PXYLP1: variants seen among roughly 807,000 people sequenced by gnomAD.
PXYLP1 encodes the protein 2-phosphoxylose phosphatase 1, also known as acid phosphatase-like 2.
PXYLP1 carries 17 observed loss-of-function variants against 37.9 expected under a neutral mutation model. The observed-to-expected ratio is 0.45, with a 90% CI of 0.31 to 0.67. The LOEUF is 0.67. PXYLP1 is among the 30% of genes least tolerant of loss of function. PXYLP1 has a pLI of 0.07. For missense variants in PXYLP1, 511 were observed against 612.0 expected (o/e 0.84, Z 1.74); for synonymous variants, 221 against 232.2 (o/e 0.95, Z 0.44).
chr3:141,262,570 C>T (rs368629810), intron 2 of PXYLP1: 1 of 1,303,370 alleles, frequency 7.7e-7, no homozygotes, highest in Non-Finnish European at 1.0e-6. Context: ...CTGAAAGTAC[C>T]TTCTGTTTTA....
chr3:141,281,316 C>G (rs1015717778), intron 4 of PXYLP1, among the ~76,000 whole-genome samples: 2 of 152,122 alleles, frequency 1.3e-5, no homozygotes, highest in African/African-American at 2.4e-5. Context: ...GGGCCCGAGG[C>G]TGAAAGAACT....
At chr3:141,255,484 G>A (rs1334260970) in intron 1 of PXYLP1, among the ~76,000 whole-genome samples, 1 of 152,252 alleles carries the variant, frequency 6.6e-6, no homozygotes, top group Non-Finnish European at 1.5e-5. Flanking sequence ...TTGGGGATTA[G>A]AAGATGTGGG....
chr3:141,268,198 AGAGAGAGAGTGTGTGTGT>A lies in PXYLP1; in HGVS notation c.79+7946_79+7963del, dbSNP rs1253197892. ...GAGAGAGAGAGAGAGAGAGAGAGAG[AGAGAGAGAGTGTGTGTGT>A]GTGTGTGTGTGTGTGTGTGTGTGTG... On this transcript the variant is annotated intron_variant, in intron 2 of 5. Coordinates refer to ENST00000286353, the MANE Select transcript of PXYLP1 (RefSeq NM_001037172.3). Among the ~76,000 whole-genome samples the A allele has an allele frequency of 0.021, 945 of 44,296 alleles. 20 individuals are homozygous for A. The East Asian group carries it at 0.27, about 13-fold the overall frequency. The allele number at this position is 44,296 out of a possible 152,430, so 29.1% of individuals were successfully genotyped here. A position where few individuals can be genotyped will look rare whatever the true frequency, so the allele number is the denominator to read the frequency against.
At chr3:141,275,695 G>C (rs1941775276) in intron 2 of PXYLP1, among the ~76,000 whole-genome samples, 1 of 152,102 alleles carries the variant, frequency 6.6e-6, no homozygotes, top group Non-Finnish European at 1.5e-5. Context: ...GTGGCCCTAG[G>C]AGCAACCAAA....
At chr3:141,266,073 A>C (rs928960372) in intron 2 of PXYLP1, among the ~76,000 whole-genome samples, 1 of 152,198 alleles carries the variant, frequency 6.6e-6, no homozygotes, top group Admixed American at 6.5e-5. Flanking sequence ...AGAAGCCACC[A>C]TCTGGGGACT....
At chr3:141,289,276 C>CAAA (rs112480371) in intron 5 of PXYLP1, among the ~76,000 whole-genome samples, 2 of 151,410 alleles carry the variant, frequency 1.3e-5, no homozygotes, top group African/African-American at 4.9e-5. Flanking sequence ...GTTCTAGACA[C>CAAA]AAAAACAGAA....
At chr3:141,266,525 G>T (rs1260869672) in intron 2 of PXYLP1, among the ~76,000 whole-genome samples, 1 of 152,126 alleles carries the variant, frequency 6.6e-6, no homozygotes, top group Admixed American at 6.5e-5. Flanking sequence ...GCAGCCAGGG[G>T]GTGGACTGTG....
intron 2 of PXYLP1, among the ~76,000 whole-genome samples, chr3:141,263,618 C>T (rs140632171): frequency 1.5e-4 from 23 of 152,286 alleles, no homozygotes; most frequent in African/African-American, 5.1e-4. Context: ...CATTCACTTC[C>T]CTCCTTGGCC....
chr3:141,232,865 G>C (rs1369792371), intron 1 of PXYLP1, among the ~76,000 whole-genome samples: 1 of 152,178 alleles, frequency 6.6e-6, no homozygotes, highest in Non-Finnish European at 1.5e-5. Flanking sequence ...ATCACCGCCT[G>C]GCTAGCCAGT....
At chr3:141,271,272 C>G (rs1240783347) in intron 2 of PXYLP1, among the ~76,000 whole-genome samples, 1 of 152,154 alleles carries the variant, frequency 6.6e-6, no homozygotes, top group African/African-American at 2.4e-5. Context: ...CTTTGTAATA[C>G]TATAGCTCAT....
chr3:141,268,693 G>A (rs1354686387), intron 2 of PXYLP1, among the ~76,000 whole-genome samples: 1 of 152,184 alleles, frequency 6.6e-6, no homozygotes, highest in Admixed American at 6.5e-5. Flanking sequence ...GTGAAGTAGG[G>A]CGGGCACCTG....
intron 2 of PXYLP1, among the ~76,000 whole-genome samples, chr3:141,272,447 G>A (rs1941686596): frequency 7.0e-6 from 1 of 143,562 alleles, no homozygotes; most frequent in Non-Finnish European, 1.5e-5. Flanking sequence ...GATGAAACAT[G>A]TCTCTCTAAA....
chr3:141,250,209 C>G (rs2148717710), intron 1 of PXYLP1, among the ~76,000 whole-genome samples: 2 of 152,344 alleles, frequency 1.3e-5, no homozygotes, highest in African/African-American at 4.8e-5. Context: ...TGCTGTTTGT[C>G]TCTGCTGAAT....
chr3:141,244,116 C>G (rs1055843801), intron 1 of PXYLP1, among the ~76,000 whole-genome samples: 1 of 152,154 alleles, frequency 6.6e-6, no homozygotes, highest in Admixed American at 6.5e-5. Flanking sequence ...ACAGCTATAA[C>G]CACTCATAAT....
At chr3:141,243,846 G>A (rs1940874378) in intron 1 of PXYLP1, among the ~76,000 whole-genome samples, 1 of 152,130 alleles carries the variant, frequency 6.6e-6, no homozygotes, top group Non-Finnish European at 1.5e-5. Context: ...GAAAACCACT[G>A]GTCTCTATAA....
chr3:141,267,953 T>C (rs1294594302), intron 2 of PXYLP1, among the ~76,000 whole-genome samples: 1 of 152,024 alleles, frequency 6.6e-6, no homozygotes, highest in African/African-American at 2.4e-5. Flanking sequence ...TTAAAGAAGT[T>C]CTCATCAATA....
intron 2 of PXYLP1, among the ~76,000 whole-genome samples, chr3:141,277,654 T>C: frequency 6.6e-6 from 1 of 152,292 alleles, no homozygotes; most frequent in South Asian, 2.1e-4. Context: ...GACACTGTGA[T>C]TGACAGTCCA....
chr3:141,282,787 G>C (rs1322018602), intron 4 of PXYLP1, among the ~76,000 whole-genome samples: 2 of 152,202 alleles, frequency 1.3e-5, no homozygotes, highest in Non-Finnish European at 2.9e-5. Flanking sequence ...TTGGACAGGG[G>C]TATGAAAGGC....
chr3:141,252,522 G>A (rs1235697472), intron 1 of PXYLP1, among the ~76,000 whole-genome samples: 1 of 152,128 alleles, frequency 6.6e-6, no homozygotes, highest in East Asian at 1.9e-4. Flanking sequence ...CTTATAACCA[G>A]CTCTCACGTC....
Sources: gnomAD v4.1 joint callset for allele counts (sites outside exome capture counted in the v4.1 genomes callset) on GRCh38, gnomAD v4.1.1 for gene constraint, MANE v1.5 for transcripts, NCBI Gene and HGNC (gene_info 2026-07-23, HGNC 2026-07-21) for gene names.